Variants in ANKFY1 observed in about 807,000 individuals in gnomAD.
ANKFY1 encodes the protein ankyrin repeat and FYVE domain containing 1, also known as ankyrin repeat and FYVE domain-containing protein 1.
In ANKFY1, 47 loss-of-function variants were observed where a neutral mutation model predicts 128.3. The observed-to-expected ratio is 0.37, with a 90% CI of 0.29 to 0.47. ANKFY1 has a LOEUF of 0.47. Among genes scored for constraint, ANKFY1 ranks in the 20% least tolerant of loss-of-function variants. The pLI is 1.00. For synonymous variants in ANKFY1, 553 were observed against 601.6 expected (o/e 0.92, Z 1.18); for missense variants, 1,222 against 1,510.6 (o/e 0.81, Z 3.17).
Position 4,179,710 on chromosome 17 carries a change from A to G in ANKFY1, c.2397+11T>C, listed in dbSNP as rs1284488927. The G allele has an allele frequency of 6.2e-7, 1 of 1,612,892 alleles. No homozygotes were observed. Among genetic ancestry groups the G allele is most frequent in the African/African-American group, 1.3e-5 (1 of 74,852 alleles). ...CTACACCTCTCTCCCCGGAAAAGAG[A>G]AACGACACACCTGTGCGTTCACGTT... On this transcript the variant is annotated intron_variant, in intron 17 of 24. Transcript: ENST00000341657.
Position 4,186,888 on chromosome 17 carries a change from C to A in ANKFY1, c.1471-1842G>T, listed in dbSNP as rs143933190. ...AATTTTCCCACTGCCTGTTAGACAT[C>A]CCTACCTTAAATGTGTAGAAATTCA... On this transcript the variant is annotated intron_variant, in intron 11 of 24. Coordinates refer to ENST00000341657, the MANE Select transcript of ANKFY1 (RefSeq NM_001330063.2). 47 of 1,058,996 alleles carry A rather than the reference C, an allele frequency of 4.4e-5. No homozygotes were observed. The African/African-American group carries it at 7.1e-4, about 16-fold the overall frequency. The allele number at this position is 1,058,996 out of a possible 1,614,324, so 65.6% of individuals were successfully genotyped here.
chr17:4,262,450 C>G (rs890650100), intron 1 of ANKFY1, among the ~76,000 whole-genome samples: 23 of 152,098 alleles, frequency 1.5e-4, no homozygotes, highest in African/African-American at 4.3e-4. Flanking sequence ...TTTGTAGATA[C>G]GAGGTTTCGC....
chr17:4,225,732 T>C (rs925606872), intron 3 of ANKFY1, among the ~76,000 whole-genome samples: 5 of 152,184 alleles, frequency 3.3e-5, no homozygotes, highest in African/African-American at 1.2e-4. Context: ...TTTGTTCCTC[T>C]CCTATGGCTT....
chr17:4,168,102 C>A, intron 24 of ANKFY1, 191 bp from the exon 25 acceptor site: 9 of 479,392 alleles, frequency 1.9e-5, no homozygotes, highest in East Asian at 3.6e-5. Flanking sequence ...AAACTCTAGT[C>A]AATCATCAAG....
At chr17:4,216,926 T>TAATTAAAGCTCAGCCAC in intron 4 of ANKFY1, 57 bp downstream of exon 4, 1 of 1,610,574 alleles carries the variant, frequency 6.2e-7, no homozygotes, top group South Asian at 1.1e-5. Context: ...GAGCTCGGCA[T>TAATTAAAGCTCAGCCAC]AATTAAAGCT....
intron 1 of ANKFY1, among the ~76,000 whole-genome samples, chr17:4,261,643 T>C (rs576819471): frequency 1.3e-5 from 2 of 152,218 alleles, no homozygotes; most frequent in East Asian, 3.8e-4. Context: ...TGCCGGATGA[T>C]GAGTATGCTG....
chr17:4,224,957 T>TAA (rs1452803779), intron 3 of ANKFY1, among the ~76,000 whole-genome samples: 9 of 149,872 alleles, frequency 6.0e-5, no homozygotes, highest in African/African-American at 2.0e-4. Context: ...TTTTTTTTTT[T>TAA]AAATAAACTG....
chr17:4,242,264 C>A lies in ANKFY1; in HGVS notation c.195G>T (p.Glu65Asp), dbSNP rs1397705087. The A allele has an allele frequency of 1.3e-6, 2 of 1,581,482 alleles. No individual in the cohort carries two copies. The highest frequency in any genetic ancestry group is 1.4e-5 in the African/African-American group (1 of 72,898). ...LAIVADLYEQ[E>D]QYSDLKIKVG... ...TCTAGGAGCTCTCCCACCTGTACTG[C>A]TCCTGCTCGTAGAGGTCTGCCACGA... Residue 65 changes from glutamate (E) to aspartate (D), a missense_variant, in exon 2 of 25, where the codon GAG becomes GAT. Transcript: ENST00000341657.
At position 4,173,972 on chromosome 17, in the gene ANKFY1, T is replaced by C; in HGVS notation, c.2860A>G (p.Ile954Val). Residue 954 changes from isoleucine (I) to valine (V), a missense_variant, in exon 20 of 25, where the codon ATC (isoleucine) becomes GTC (valine). Ile to Val is a conservative substitution (Grantham distance 29). Coordinates refer to ENST00000341657, the MANE Select transcript of ANKFY1 (RefSeq NM_001330063.2). The stretch of plus-strand genomic sequence containing the variant: ...CCATTCTCTAGGAGGACTGAGCAGA[T>C]GGTGGGCAGGTCCTGCTGGGCAGCA... ...HLAAQQDLPT[I>V]CSVLLENGVD... The C allele has an allele frequency of 2.5e-6, 4 of 1,614,220 alleles. No individual in the cohort carries two copies. Among genetic ancestry groups the C allele is most frequent in the Non-Finnish European group, 3.4e-6 (4 of 1,180,020 alleles).
chr17:4,200,042 C>A (rs1363421316), intron 7 of ANKFY1, among the ~76,000 whole-genome samples: 1 of 149,364 alleles, frequency 6.7e-6, no homozygotes, highest in African/African-American at 2.4e-5. Context: ...GAGCTCATAT[C>A]GGGAAAGTTG....
intron 19 of ANKFY1, among the ~76,000 whole-genome samples, chr17:4,174,435 G>T (rs2059377884): frequency 6.6e-6 from 1 of 152,048 alleles, no homozygotes; most frequent in South Asian, 2.1e-4. Context: ...ATTGTAATAG[G>T]TACAAACAGT....
intron 1 of ANKFY1, chr17:4,263,665 C>A (rs1056718845): frequency 3.3e-6 from 5 of 1,533,720 alleles, no homozygotes; most frequent in Non-Finnish European, 4.4e-6. Context: ...CGCGGCTGCA[C>A]GCAGCACCGG....
At chr17:4,248,519 G>T (rs1247084066) in intron 1 of ANKFY1, among the ~76,000 whole-genome samples, 1 of 152,196 alleles carries the variant, frequency 6.6e-6, no homozygotes, top group African/African-American at 2.4e-5. Context: ...AAGTCATTAG[G>T]ATAGGTTAAA....
chr17:4,243,847 G>T (rs1209409137), intron 1 of ANKFY1, among the ~76,000 whole-genome samples: 1 of 152,182 alleles, frequency 6.6e-6, no homozygotes, highest in Non-Finnish European at 1.5e-5. Context: ...GTGTTCACGA[G>T]GCGCTGGGCG....
chr17:4,236,389 A>G (rs1276554011), intron 2 of ANKFY1, among the ~76,000 whole-genome samples: 3 of 152,242 alleles, frequency 2.0e-5, no homozygotes, highest in Non-Finnish European at 2.9e-5. Flanking sequence ...CATGAAACCC[A>G]GTATCTGGAC....
chr17:4,222,356 A>G, intron 3 of ANKFY1: 1 of 772,178 alleles, frequency 1.3e-6, no homozygotes, highest in South Asian at 1.3e-5. Context: ...CTTATTATTC[A>G]CTACGCTCTG....
intron 8 of ANKFY1, among the ~76,000 whole-genome samples, chr17:4,196,030 CCCCCCACCA>C (rs1467771219): frequency 1.4e-5 from 1 of 71,082 alleles, no homozygotes; most frequent in Non-Finnish European, 2.8e-5. Context: ...CCCACCCACC[CCCCCCACCA>C]CCCCCCACCC....
intron 10 of ANKFY1, among the ~76,000 whole-genome samples, chr17:4,189,824 C>A (rs990645123): frequency 1.3e-5 from 2 of 152,194 alleles, no homozygotes; most frequent in Non-Finnish European, 2.9e-5. Flanking sequence ...TCATTTAAGT[C>A]CACATAGGTA....
In ANKFY1 at chr17:4,235,863, C is replaced by A. The variant is rs760645760; in HGVS notation, c.231G>T (p.Arg77Ser). The change falls in exon 3 of 25, where the codon AGG (arginine) becomes AGT (serine). Residue 77 changes from arginine to serine, a missense_variant. Transcript: ENST00000341657. ...YSDLKIKVGD[R>S]HISAHKFVLA... ...GGACAAACTTGTGAGCACTGATGTG[C>A]CTGTCCCCAACCTTTATCTTCAGAT... 6.2e-7 allele frequency: 1 copy of A among 1,614,068 alleles called. No homozygotes were observed. The highest frequency in any genetic ancestry group is 1.7e-5 in the Admixed American group (1 of 60,006).
Sources: allele counts gnomAD v4.1 joint callset (sites outside exome capture counted in the v4.1 genomes callset), GRCh38; gene constraint gnomAD v4.1.1; transcripts MANE v1.5; gene names NCBI Gene and HGNC (gene_info 2026-07-23, HGNC 2026-07-21).